The following TMPRSS15 variants were observed in gnomAD, a reference collection of about 807,000 sequenced individuals.
TMPRSS15 encodes enteropeptidase.
TMPRSS15 carries 128 observed loss-of-function variants against 125.3 expected under a neutral mutation model. That is an observed-to-expected ratio of 1.02 (90% confidence interval 0.89 to 1.18). The LOEUF is 1.18. TMPRSS15 is among the 50% of genes most tolerant of loss of function. The probability of loss-of-function intolerance (pLI) is 0.00; values close to 1 mark genes in which losing one functional copy is unlikely to be tolerated. For missense variants in TMPRSS15, 1,283 were observed against 1,212.7 expected, an observed-to-expected ratio of 1.06 and a Z score of -0.86; for synonymous variants, 446 against 423.2, an observed-to-expected ratio of 1.05 and a Z score of -0.66.
intron 11 of TMPRSS15, 131 bp from the exon 12 acceptor site, chr21:18,343,787 A>T: frequency 2.5e-6 from 3 of 1,198,852 alleles, no homozygotes; most frequent in Non-Finnish European, 3.7e-6. Flanking sequence ...GTTGCTGGGG[A>T]TGGGGAGAGG....
At chr21:18,294,532 G>A (rs2074878929) in intron 20 of TMPRSS15, 71 bp downstream of exon 20, 1 of 1,600,108 alleles carries the variant, frequency 6.2e-7, no homozygotes, top group African/African-American at 1.3e-5. Flanking sequence ...AATAACTTCA[G>A]GTGACATAAA....
intron 7 of TMPRSS15, 101 bp from the exon 8 acceptor site, chr21:18,359,964 A>G (rs2075664431): frequency 3.1e-6 from 2 of 637,364 alleles, no homozygotes; most frequent in African/African-American, 1.8e-5. Flanking sequence ...TGAACACCAC[A>G]TAATATGATA....
chr21:18,380,881 G>A (rs893860537), intron 4 of TMPRSS15, among the ~76,000 whole-genome samples: 54 of 152,038 alleles, frequency 3.6e-4, no homozygotes, highest in Non-Finnish European at 7.4e-5. Flanking sequence ...ATTTACATTT[G>A]AGCCAACTAA....
chr21:18,403,041 T>C (rs938078439), intron 1 of TMPRSS15, among the ~76,000 whole-genome samples: 9 of 152,212 alleles, frequency 5.9e-5, no homozygotes, highest in South Asian at 2.1e-4. Context: ...AGAATGAAGA[T>C]AGAAATAAAC....
chr21:18,375,000 A>G (rs1055657112), intron 5 of TMPRSS15, among the ~76,000 whole-genome samples: 1 of 152,210 alleles, frequency 6.6e-6, no homozygotes, highest in Admixed American at 6.5e-5. Context: ...TGAGATGAAC[A>G]AATTGTGGGG....
At chr21:18,416,925 T>G (rs915146147) in intron 1 of TMPRSS15, among the ~76,000 whole-genome samples, 5 of 152,084 alleles carry the variant, frequency 3.3e-5, no homozygotes, top group Non-Finnish European at 4.4e-5. Flanking sequence ...TACCAGATTT[T>G]GAGATACACC....
chr21:18,317,611 A>G (rs1356519233), intron 16 of TMPRSS15, among the ~76,000 whole-genome samples: 1 of 152,182 alleles, frequency 6.6e-6, no homozygotes, highest in Non-Finnish European at 1.5e-5. Context: ...TCATGGGACT[A>G]GTGTAAGGGC....
At chr21:18,317,901 T>TCCCATCCCATCCCATCCCAC (rs1601327066) in intron 16 of TMPRSS15, among the ~76,000 whole-genome samples, 1 of 119,440 alleles carries the variant, frequency 8.4e-6, no homozygotes, top group African/African-American at 3.4e-5. Context: ...TCCCATCCCA[T>TCCCATCCCATCCCATCCCAC]CCCATCCTAT....
At chr21:18,424,083 G>C (rs567971449) in intron 1 of TMPRSS15, among the ~76,000 whole-genome samples, 1 of 152,190 alleles carries the variant, frequency 6.6e-6, no homozygotes, top group African/African-American at 2.4e-5. Context: ...CTTTCACACG[G>C]TCTCAAAAGA....
chr21:18,433,663 C>CAAAAAAAAAAAA (rs58432155), intron 1 of TMPRSS15, among the ~76,000 whole-genome samples: 45 of 62,306 alleles, frequency 7.2e-4, no homozygotes, highest in South Asian at 1.6e-3. Flanking sequence ...GACCTTGTCT[C>CAAAAAAAAAAAA]AAAAAAAAAA....
At chr21:18,303,689 A>G (rs2074998920) in intron 18 of TMPRSS15, among the ~76,000 whole-genome samples, 1 of 152,180 alleles carries the variant, frequency 6.6e-6, no homozygotes, top group Admixed American at 6.5e-5. Flanking sequence ...TCTTGTTTTT[A>G]TATAACAAAA....
rs1055588321 is a variant in TMPRSS15 at position 18,373,719 on chromosome 21, C to T, written c.533-1395G>A. The stretch of plus-strand genomic sequence containing the variant: ...AGGAACATATATCACTTTGGCTGTC[C>T]TAATGCTTCTCATGGGAGCTCCACT... On this transcript the variant is annotated intron_variant, in intron 5 of 24. Coordinates refer to ENST00000284885, the MANE Select transcript of TMPRSS15 (RefSeq NM_002772.3). 2.6e-5 allele frequency among the ~76,000 whole-genome samples: 4 copies of T among 152,268 alleles called. No homozygotes were observed. In the South Asian group the frequency reaches 8.3e-4, roughly 32 times the overall value.
At chr21:18,457,485 G>T (rs1287780345) in intron 1 of TMPRSS15, among the ~76,000 whole-genome samples, 2 of 152,090 alleles carry the variant, frequency 1.3e-5, no homozygotes, top group South Asian at 4.1e-4. Context: ...AGTATGCTAT[G>T]TACAGGAGAT....
chr21:18,457,430 G>T (rs1359057203), intron 1 of TMPRSS15, among the ~76,000 whole-genome samples: 1 of 152,016 alleles, frequency 6.6e-6, no homozygotes, highest in Non-Finnish European at 1.5e-5. Flanking sequence ...AACTTATTAC[G>T]TTGGAATGGG....
At chr21:18,291,633 T>C (rs2074836284) in intron 21 of TMPRSS15, among the ~76,000 whole-genome samples, 1 of 152,098 alleles carries the variant, frequency 6.6e-6, no homozygotes, top group African/African-American at 2.4e-5. Context: ...AAGAGACAGA[T>C]AAGAGCCAGT....
At chr21:18,433,982 C>T (rs2076222521) in intron 1 of TMPRSS15, among the ~76,000 whole-genome samples, 2 of 152,134 alleles carry the variant, frequency 1.3e-5, no homozygotes, top group Non-Finnish European at 2.9e-5. Flanking sequence ...CCATTGTTGC[C>T]AATTTGGCAG....
At chr21:18,459,960 AC>A (rs1404745149) in intron 1 of TMPRSS15, among the ~76,000 whole-genome samples, 1 of 152,148 alleles carries the variant, frequency 6.6e-6, no homozygotes, top group African/African-American at 2.4e-5. Context: ...ATTTTTAAAA[AC>A]CAGTAGTTTA....
chr21:18,432,506 G>T (rs921755791), intron 1 of TMPRSS15, among the ~76,000 whole-genome samples: 6 of 152,182 alleles, frequency 3.9e-5, no homozygotes, highest in African/African-American at 1.4e-4. Flanking sequence ...AATGGAGTAG[G>T]GTGGGCTCCT....
chr21:18,375,864 T>C (rs1343593165), intron 5 of TMPRSS15, among the ~76,000 whole-genome samples: 2 of 152,210 alleles, frequency 1.3e-5, no homozygotes, highest in African/African-American at 4.8e-5. Context: ...GGCTCTGTGC[T>C]AGGCATCATG....
Sources: allele counts gnomAD v4.1 joint callset (sites outside exome capture counted in the v4.1 genomes callset), GRCh38; gene constraint gnomAD v4.1.1; transcripts MANE v1.5; gene names NCBI Gene and HGNC (gene_info 2026-07-23, HGNC 2026-07-21).